The following ADGRV1 variants were observed in gnomAD, a reference collection of about 807,000 sequenced individuals.
The protein encoded by ADGRV1 is G-protein coupled receptor 98.
Under a neutral mutation model 596.2 loss-of-function variants are expected in ADGRV1, and 359 were observed. The observed-to-expected ratio is 0.60, with a 90% confidence interval of 0.55 to 0.66. The LOEUF (loss-of-function observed/expected upper bound fraction) is 0.66. ADGRV1 is among the 30% of genes least tolerant of loss of function. The probability of loss-of-function intolerance (pLI) is 0.00; values close to 1 mark genes in which losing one functional copy is unlikely to be tolerated. For synonymous variants in ADGRV1, 2,681 were observed against 2,679.2 expected, an observed-to-expected ratio of 1.00 and a Z score of -0.02; for missense variants, 7,274 against 7,575.6, an observed-to-expected ratio of 0.96 and a Z score of 1.48.
intron 83 of ADGRV1, among the ~76,000 whole-genome samples, chr5:90,894,744 G>T (rs975233751): frequency 5.3e-5 from 8 of 152,112 alleles, no homozygotes; most frequent in African/African-American, 1.7e-4. Context: ...TTCTAAGAAT[G>T]AATATGGAAC....
intron 83 of ADGRV1, among the ~76,000 whole-genome samples, chr5:90,869,359 G>GT (rs1297066290): frequency 1.3e-5 from 2 of 152,162 alleles, no homozygotes; most frequent in African/African-American, 4.8e-5. Flanking sequence ...TTGACTGCAG[G>GT]TGAGGCAGCT....
At chr5:90,971,379 A>T (rs114787119) in intron 84 of ADGRV1, among the ~76,000 whole-genome samples, 3,000 of 152,278 alleles carry the variant, frequency 0.02, 41 homozygotes, top group Non-Finnish European at 0.03. Flanking sequence ...GAGAAAAGCA[A>T]CTCGAAGACA....
chr5:90,636,295 T>C (rs1367048232), intron 10 of ADGRV1, among the ~76,000 whole-genome samples: 1 of 152,090 alleles, frequency 6.6e-6, no homozygotes, highest in African/African-American at 2.4e-5. Context: ...TTAAACCTAG[T>C]TGAGGTTTGG....
intron 83 of ADGRV1, among the ~76,000 whole-genome samples, chr5:90,935,918 T>C (rs1259446127): frequency 6.6e-6 from 1 of 152,134 alleles, no homozygotes; most frequent in African/African-American, 2.4e-5. Context: ...TTGAAGGCTG[T>C]AGTGTGTTGT....
At chr5:90,854,813 A>G (rs1229274284) in intron 81 of ADGRV1, among the ~76,000 whole-genome samples, 6 of 152,150 alleles carry the variant, frequency 3.9e-5, no homozygotes, top group African/African-American at 1.4e-4. Flanking sequence ...GATTTTGTTT[A>G]TTACTGAATT....
intron 83 of ADGRV1, among the ~76,000 whole-genome samples, chr5:90,909,758 C>T (rs1409513891): frequency 6.6e-6 from 1 of 152,018 alleles, no homozygotes; most frequent in Non-Finnish European, 1.5e-5. Context: ...CAAAAGTAGG[C>T]AAGATGATCC....
rs1328484897 is a variant in ADGRV1 at position 90,778,957 on chromosome 5, T to A, written c.12942T>A (p.Asp4314Glu). 1 of 1,613,522 alleles carries A rather than the reference T, an allele frequency of 6.2e-7. No individual in the cohort carries two copies. The highest frequency in any genetic ancestry group is 1.7e-5 in the Admixed American group (1 of 59,980). The change falls in exon 64 of 90, where the codon GAT (aspartate) becomes GAA (glutamate). Residue 4314 changes from aspartate to glutamate, a missense_variant. Asp to Glu is a conservative substitution (Grantham distance 45). This residue lies in a region of ADGRV1 where 3,643 missense variants were observed against 3,809.2 expected (regional missense o/e 0.96). Transcript: ENST00000405460. ...GCGGGACAGCGGAAGCAGGCTTGGA[T>A]TTTGTTCCTGCAGCAGGGGAGCTCC... is the stretch of plus-strand genomic sequence containing the variant. ...TMSGTAEAGLDFVPAAGELLF... is the reference protein window; with the variant it reads ...TMSGTAEAGLEFVPAAGELLF...
intron 83 of ADGRV1, among the ~76,000 whole-genome samples, chr5:90,950,791 C>G (rs559266223): frequency 1.3e-5 from 2 of 152,106 alleles, no homozygotes; most frequent in African/African-American, 4.8e-5. Context: ...AACTTGGCAC[C>G]TTGTAGTGAG....
intron 85 of ADGRV1, among the ~76,000 whole-genome samples, chr5:91,063,864 GTGGTGGTGGTGA>G (rs929456913): frequency 2.0e-5 from 3 of 152,026 alleles, no homozygotes; most frequent in Non-Finnish European, 2.9e-5. Context: ...GGTGGTGGTG[GTGGTGGTGGTGA>G]TGGTGGTGAT....
chr5:90,916,166 AT>A (rs36015459), intron 83 of ADGRV1, among the ~76,000 whole-genome samples: 36,106 of 148,576 alleles, frequency 0.24, 5,155 homozygotes, highest in Admixed American at 0.4. Context: ...GTTTTTATGG[AT>A]TTTTTTTTTT....
chr5:90,680,911 TG>T (rs1445429454), intron 26 of ADGRV1, among the ~76,000 whole-genome samples: 2 of 152,186 alleles, frequency 1.3e-5, no homozygotes, highest in African/African-American at 4.8e-5. Context: ...ACCAAGAATC[TG>T]TTCCGCCAGA....
intron 83 of ADGRV1, among the ~76,000 whole-genome samples, chr5:90,952,462 G>C (rs986142725): frequency 6.6e-6 from 1 of 152,076 alleles, no homozygotes; most frequent in African/African-American, 2.4e-5. Context: ...ATGGAGGGAG[G>C]GGGTCATGAT....
chr5:90,888,611 G>A (rs1770519891), intron 83 of ADGRV1, among the ~76,000 whole-genome samples: 1 of 152,018 alleles, frequency 6.6e-6, no homozygotes, highest in African/African-American at 2.4e-5. Context: ...ATTTGATGTT[G>A]GATATCATAT....
intron 21 of ADGRV1, among the ~76,000 whole-genome samples, chr5:90,662,857 T>C (rs946696404): frequency 1.6e-3 from 246 of 151,930 alleles, no homozygotes; most frequent in Non-Finnish European, 2.6e-3. Flanking sequence ...TGAGAATATG[T>C]GGTGTTTGGT....
intron 3 of ADGRV1, among the ~76,000 whole-genome samples, chr5:90,618,362 G>A (rs775873773): frequency 2.6e-5 from 4 of 152,138 alleles, no homozygotes; most frequent in Admixed American, 6.5e-5. Flanking sequence ...TCAGAGTACC[G>A]CTGGGAGAAA....
chr5:90,681,403 C>G lies in ADGRV1; in HGVS notation c.5613C>G (p.Leu1871=). ...HGVFEFSPES[L]FVSGTEPEDG... Reference sequence around the variant, plus strand: ...TATTTGAATTTAGCCCTGAGTCACTCTTTGTCAGTGGAACTGAACCAGAAG... The same window carrying G: ...TATTTGAATTTAGCCCTGAGTCACTGTTTGTCAGTGGAACTGAACCAGAAG... The change falls in exon 27 of 90, where the codon CTC becomes CTG. Residue 1871 remains leucine (L), a synonymous_variant. Coordinates refer to ENST00000405460, the MANE Select transcript of ADGRV1 (RefSeq NM_032119.4). 1 of 1,613,898 alleles carries G rather than the reference C, an allele frequency of 6.2e-7. No homozygotes were observed. The highest frequency in any genetic ancestry group is 1.7e-5 in the Admixed American group (1 of 60,004).
intron 85 of ADGRV1, among the ~76,000 whole-genome samples, chr5:91,069,500 A>G (rs1788185616): frequency 6.6e-6 from 1 of 152,228 alleles, no homozygotes; most frequent in Admixed American, 6.5e-5. Flanking sequence ...CAACAAACAT[A>G]TGATAAAATG....
chr5:90,820,837 C>G (rs549036180), intron 75 of ADGRV1, among the ~76,000 whole-genome samples: 1 of 152,146 alleles, frequency 6.6e-6, no homozygotes, highest in East Asian at 1.9e-4. Flanking sequence ...TTCTCTCTGG[C>G]TGCCCTTAAC....
At chr5:90,960,146 A>AC (rs1554177105) in intron 83 of ADGRV1, among the ~76,000 whole-genome samples, 6 of 146,148 alleles carry the variant, frequency 4.1e-5, no homozygotes, top group Admixed American at 2.0e-4. Context: ...TCAAAAAAAA[A>AC]AAAAAAACAA....
Sources: allele counts gnomAD v4.1 joint callset (sites outside exome capture counted in the v4.1 genomes callset), GRCh38; gene constraint gnomAD v4.1.1; regional missense constraint gnomAD v4.1.1; transcripts MANE v1.5; gene names NCBI Gene and HGNC (gene_info 2026-07-23, HGNC 2026-07-21).